The following NELL1 variants were observed in gnomAD, a reference collection of about 807,000 sequenced individuals.
NELL1 encodes neural EGFL like 1.
A neutral mutation model predicts 107.4 loss-of-function variants in NELL1; 76 were observed. That is an observed-to-expected ratio of 0.71 (90% confidence interval 0.59 to 0.86). NELL1 has a LOEUF of 0.86. NELL1 is among the 40% of genes least tolerant of loss of function. The pLI is 0.00. For synonymous variants in NELL1, 353 were observed against 341.2 expected (o/e 1.03, Z -0.38); for missense variants, 1,024 against 1,005.5 (o/e 1.02, Z -0.25).
intron 13 of NELL1, among the ~76,000 whole-genome samples, chr11:21,162,652 G>A (rs903207393): frequency 6.6e-6 from 1 of 152,166 alleles, no homozygotes; most frequent in Non-Finnish European, 1.5e-5. Flanking sequence ...AATTGGTAGA[G>A]TGTGACCTTC....
chr11:21,423,384 TAAAG>T (rs375961893), intron 15 of NELL1, among the ~76,000 whole-genome samples: 182 of 151,302 alleles, frequency 1.2e-3, no homozygotes, highest in African/African-American at 3.9e-3. Context: ...TTATAAAAGG[TAAAG>T]AAAGATATTA....
intron 2 of NELL1, among the ~76,000 whole-genome samples, chr11:20,715,039 C>T (rs956694165): frequency 4.6e-5 from 7 of 151,994 alleles, no homozygotes; most frequent in East Asian, 3.9e-4. Context: ...GTCAGGAGAT[C>T]GAGACCATCC....
chr11:20,837,431 C>T (rs1054317229), intron 3 of NELL1, among the ~76,000 whole-genome samples: 3 of 152,102 alleles, frequency 2.0e-5, no homozygotes, highest in Non-Finnish European at 4.4e-5. Flanking sequence ...TTGTTATACA[C>T]ACACATATAT....
intron 16 of NELL1, among the ~76,000 whole-genome samples, chr11:21,540,384 T>C (rs1856261093): frequency 6.6e-6 from 1 of 152,120 alleles, no homozygotes; most frequent in African/African-American, 2.4e-5. Flanking sequence ...TCATTTTCCC[T>C]ACCTCCATCA....
intron 15 of NELL1, among the ~76,000 whole-genome samples, chr11:21,397,861 C>T (rs1852015261): frequency 6.6e-6 from 1 of 151,570 alleles, no homozygotes; most frequent in Admixed American, 6.6e-5. Flanking sequence ...CCAAGGGAGA[C>T]TTCTTTTCCT....
chr11:20,678,700 G>A (rs899635791), intron 2 of NELL1, among the ~76,000 whole-genome samples: 1 of 152,148 alleles, frequency 6.6e-6, no homozygotes, highest in African/African-American at 2.4e-5. Flanking sequence ...ACTGTGTCCT[G>A]TGGAATGCTG....
At chr11:21,278,879 T>G (rs1401202044) in intron 14 of NELL1, among the ~76,000 whole-genome samples, 4 of 152,106 alleles carry the variant, frequency 2.6e-5, no homozygotes, top group African/African-American at 9.7e-5. Flanking sequence ...ATGTGAAGAC[T>G]TACTATGAAG....
chr11:20,993,869 G>A (rs1161703436), intron 12 of NELL1, among the ~76,000 whole-genome samples: 2 of 144,178 alleles, frequency 1.4e-5, no homozygotes, highest in African/African-American at 5.2e-5. Context: ...GATACAGAGA[G>A]CTGACTGCAT....
rs79426697 is a variant in NELL1 at position 21,147,168 on chromosome 11, G to A, written c.1426+33454G>A. Among the ~76,000 whole-genome samples, 1,360 of 152,312 alleles carry A rather than the reference G, an allele frequency of 8.9e-3. 16 individuals are homozygous for A. The highest frequency in any genetic ancestry group is 0.016 in the South Asian group (79 of 4,826). On this transcript the variant is annotated intron_variant, in intron 13 of 19. Transcript: ENST00000357134. ...TTTTAGTGAGAGTGATAGTAGTTCC[G>A]TGGGGGATTTAATAGCTGTTATTTG... is the stretch of plus-strand genomic sequence containing the variant.
chr11:21,422,035 T>C lies in NELL1; in HGVS notation c.1645+51087T>C, dbSNP rs184028401. 1.9e-3 allele frequency among the ~76,000 whole-genome samples: 287 copies of C among 152,126 alleles called. 2 individuals are homozygous for C. Among genetic ancestry groups the C allele is most frequent in the African/African-American group, 6.6e-3 (275 of 41,508 alleles). ...AAAAAAAGTAACTGTCAACCAAGAA[T>C]TCACTGTCTGGAAAAAACCAACCTT... is the stretch of plus-strand genomic sequence containing the variant. On this transcript the variant is annotated intron_variant, in intron 15 of 19. Coordinates refer to ENST00000357134, the MANE Select transcript of NELL1 (RefSeq NM_006157.5).
chr11:21,170,665 A>C (rs987901382), intron 13 of NELL1, among the ~76,000 whole-genome samples: 1 of 146,044 alleles, frequency 6.8e-6, no homozygotes, highest in African/African-American at 2.6e-5. Context: ...ATATATATAT[A>C]CTGTATTATA....
At chr11:21,394,927 A>G (rs1431831211) in intron 15 of NELL1, among the ~76,000 whole-genome samples, 1 of 151,490 alleles carries the variant, frequency 6.6e-6, no homozygotes, top group Admixed American at 6.6e-5. Flanking sequence ...CTAGTTTCTT[A>G]TATGTAGGTT....
At chr11:20,736,211 G>A (rs574992806) in intron 2 of NELL1, among the ~76,000 whole-genome samples, 1 of 152,128 alleles carries the variant, frequency 6.6e-6, no homozygotes, top group Admixed American at 6.5e-5. Context: ...GAAAATAAAT[G>A]AGGCCATGTG....
At chr11:21,461,650 G>A (rs1193252923) in intron 15 of NELL1, among the ~76,000 whole-genome samples, 1 of 151,984 alleles carries the variant, frequency 6.6e-6, no homozygotes, top group East Asian at 1.9e-4. Flanking sequence ...AACTTTGAAG[G>A]CCAGTATTAT....
intron 15 of NELL1, among the ~76,000 whole-genome samples, chr11:21,520,563 G>T (rs1855695152): frequency 6.6e-6 from 1 of 152,108 alleles, no homozygotes; most frequent in African/African-American, 2.4e-5. Flanking sequence ...CCTAAATCCT[G>T]ATAATATTGC....
chr11:20,704,021 C>T (rs551522819), intron 2 of NELL1, among the ~76,000 whole-genome samples: 15 of 152,174 alleles, frequency 9.9e-5, no homozygotes, highest in East Asian at 3.9e-4. Context: ...CTATTAGGTC[C>T]GCTTGGTGTA....
chr11:20,942,872 G>C (rs959806933), intron 10 of NELL1, among the ~76,000 whole-genome samples: 2 of 152,040 alleles, frequency 1.3e-5, no homozygotes, highest in Non-Finnish European at 2.9e-5. Flanking sequence ...GGAAGCTGTG[G>C]GTGACTCTAG....
At chr11:20,959,018 A>G (rs1056267672) in intron 11 of NELL1, among the ~76,000 whole-genome samples, 2 of 152,184 alleles carry the variant, frequency 1.3e-5, no homozygotes, top group Non-Finnish European at 2.9e-5. Flanking sequence ...TACTCACTGG[A>G]ATGTCTTTCA....
chr11:21,459,355 A>G (rs1853838453), intron 15 of NELL1, among the ~76,000 whole-genome samples: 1 of 128,810 alleles, frequency 7.8e-6, no homozygotes, highest in Admixed American at 8.8e-5. Flanking sequence ...TGTGTTCACT[A>G]GCAAAAAAAA....
Sources: gnomAD v4.1 joint callset for allele counts (sites outside exome capture counted in the v4.1 genomes callset) on GRCh38, gnomAD v4.1.1 for gene constraint, MANE v1.5 for transcripts, NCBI Gene and HGNC (gene_info 2026-07-23, HGNC 2026-07-21) for gene names.